Variants in GPIHBP1 observed in about 807,000 individuals in gnomAD.
The protein encoded by GPIHBP1 is glycosylphosphatidylinositol anchored high density lipoprotein binding protein 1.
Under a neutral mutation model 13.0 loss-of-function variants are expected in GPIHBP1, and 11 were observed. That is an observed-to-expected ratio of 0.84 (90% CI 0.53 to 1.40). The LOEUF is 1.40. Among genes scored for constraint, GPIHBP1 ranks in the 40% most tolerant of loss-of-function variants. GPIHBP1 has a pLI of 0.00. For synonymous variants in GPIHBP1, 106 were observed against 102.2 expected, an observed-to-expected ratio of 1.04 and a Z score of -0.22; for missense variants, 231 against 241.1, an observed-to-expected ratio of 0.96 and a Z score of 0.28.
At chr8:143,213,443 C>G in intron 1 of GPIHBP1, 124 bp downstream of exon 1, 3 of 847,710 alleles carry the variant, frequency 3.5e-6, no homozygotes, top group Non-Finnish European at 5.7e-6. Context: ...AGTCCCCAGC[C>G]CAGAGCAGCA....
In GPIHBP1 at chr8:143,214,900, G is replaced by GTATCATTAAAA; in HGVS notation, c.182-113_182-112insTATCATTAAAA. Reference sequence around the variant, plus strand: ...CCCGCCCATCTGAGCAGTGGGTGCTGGAGGCTCACCAGGCTAGGCTTTGGG... The same window carrying GTATCATTAAAA: ...CCCGCCCATCTGAGCAGTGGGTGCTGTATCATTAAAAGAGGCTCACCAGGCTAGGCTTTGGG... On this transcript the variant is annotated intron_variant, in intron 2 of 3. Transcript: ENST00000622500. This position sits in a 1 kb window ranked among gnomAD's most constrained non-coding sequence, Gnocchi z 4.1. 1 of 738,016 alleles carries GTATCATTAAAA rather than the reference G, an allele frequency of 1.4e-6. No individual in the cohort carries two copies. Among genetic ancestry groups the GTATCATTAAAA allele is most frequent in the Admixed American group, 2.1e-5 (1 of 47,086 alleles). 45.7% of individuals were successfully genotyped at this position (738,016 alleles called of 1,614,324 possible). A position where few individuals can be genotyped will look rare whatever the true frequency, so the allele number is the denominator to read the frequency against.
rs1179791699 is a variant in GPIHBP1 at position 143,214,503 on chromosome 8, C to T, written c.182-510C>T. 4.0e-5 allele frequency among the ~76,000 whole-genome samples: 6 copies of T among 150,934 alleles called. No homozygotes were observed. The highest frequency in any genetic ancestry group is 8.9e-5 in the Non-Finnish European group (6 of 67,688). ...GCCGCATCCAACCCGAGGGCCGGCC[C>T]CTCCCTAGCCAGGGACCACAGCGTG... On this transcript the variant is annotated intron_variant, in intron 2 of 3. Coordinates refer to ENST00000622500, the MANE Select transcript of GPIHBP1 (RefSeq NM_178172.6). The surrounding 1 kb of genome is among the most constrained non-coding windows in gnomAD (Gnocchi z 4.1).
rs1333121387 is a variant in GPIHBP1, at chr8:143,214,524, G to C, written c.182-489G>C. Among the ~76,000 whole-genome samples, 1 of 151,052 alleles carries C rather than the reference G, an allele frequency of 6.6e-6. No individual in the cohort carries two copies. Among genetic ancestry groups the C allele is most frequent in the Non-Finnish European group, 1.5e-5 (1 of 67,598 alleles). On this transcript the variant is annotated intron_variant, in intron 2 of 3. Transcript: ENST00000622500. This position sits in a 1 kb window ranked among gnomAD's most constrained non-coding sequence, Gnocchi z 4.1. ...GGCCCCTCCCTAGCCAGGGACCACA[G>C]CGTGCCCCACCACACACAGCCCCTC...
Position 143,215,136 on chromosome 8 carries a change from C to T in GPIHBP1, c.295+10C>T, listed in dbSNP as rs199622782. ...GCCCACGGGAACACCGGTAAGTGGG[C>T]GTGGGGCCGCAGCACATGCACCCCC... On this transcript the variant is annotated intron_variant, in intron 3 of 3. Transcript: ENST00000622500. The T allele has an allele frequency of 1.0e-4, 167 of 1,611,138 alleles. 1 individual carries two copies. The East Asian group carries it at 1.9e-3, about 18-fold the overall frequency.
rs544595683 is a variant in GPIHBP1 at position 143,214,661 on chromosome 8, G to C, written c.182-352G>C. On this transcript the variant is annotated intron_variant, in intron 2 of 3. Coordinates refer to ENST00000622500, the MANE Select transcript of GPIHBP1 (RefSeq NM_178172.6). This position sits in a 1 kb window ranked among gnomAD's most constrained non-coding sequence, Gnocchi z 4.1. ...CCCACACACCCACGAGGTGTCCCCT[G>C]TGAGGCCCTCCTCTGCCAGGCCTGG... Among the ~76,000 whole-genome samples, 1 of 152,184 alleles carries C rather than the reference G, an allele frequency of 6.6e-6. No individual in the cohort carries two copies. Among genetic ancestry groups the C allele is most frequent in the African/African-American group, 2.4e-5 (1 of 41,522 alleles).
rs374513270 is a variant in GPIHBP1 at position 143,213,777 on chromosome 8, C to T, written c.53-45C>T. ...GATGCTTGCCCAGAGCAGGTGTCCT[C>T]CATACCCGGGTAGCTGAGGCTTACA... is the stretch of plus-strand genomic sequence containing the variant. On this transcript the variant is annotated intron_variant, in intron 1 of 3. Coordinates refer to ENST00000622500, the MANE Select transcript of GPIHBP1 (RefSeq NM_178172.6). The T allele has an allele frequency of 4.4e-6, 7 of 1,574,046 alleles. No homozygotes were observed. In the African/African-American group the frequency reaches 6.8e-5, roughly 15 times the overall value.
In GPIHBP1 at chr8:143,215,254, C is replaced by T. The variant is rs1816286626; in HGVS notation, c.296-5C>T. The T allele has an allele frequency of 6.2e-7, 1 of 1,613,050 alleles. No homozygotes were observed. The highest frequency in any genetic ancestry group is 8.5e-7 in the Non-Finnish European group (1 of 1,179,984). On this transcript the variant is annotated splice_polypyrimidine_tract_variant and splice_region_variant and intron_variant, in intron 3 of 3. Coordinates refer to ENST00000622500, the MANE Select transcript of GPIHBP1 (RefSeq NM_178172.6). ...TCAGCACTTGTTCCCCACTCCCCTT[C>T]CCAGAGTCAGGCCTCCTGACCACCC...
Position 143,216,711 on chromosome 8 carries a change from AG to A in GPIHBP1, c.*1194del, listed in dbSNP as rs537013710. The A allele has an allele frequency of 7.4e-3, 1,122 of 152,348 alleles. 14 individuals are homozygous for A. The highest frequency in any genetic ancestry group is 0.015 in the Admixed American group (223 of 15,298). The allele number at this position is 152,348 out of a possible 1,614,324, so 9.4% of individuals were successfully genotyped here. Reference sequence around the variant, plus strand: ...GCTCTGGGACAGCAGGCAGAGGCCGAGCCTGGGCCACAGCTCAGCCACTGAC... The same window carrying A: ...GCTCTGGGACAGCAGGCAGAGGCCGACCTGGGCCACAGCTCAGCCACTGAC... On this transcript the variant is annotated 3_prime_UTR_variant, in exon 4 of 4. Coordinates refer to ENST00000622500, the MANE Select transcript of GPIHBP1 (RefSeq NM_178172.6).
At position 143,214,870 on chromosome 8, in the gene GPIHBP1, G is replaced by A; in HGVS notation, c.182-143G>A. On this transcript the variant is annotated intron_variant, in intron 2 of 3. Coordinates refer to ENST00000622500, the MANE Select transcript of GPIHBP1 (RefSeq NM_178172.6). This position sits in a 1 kb window ranked among gnomAD's most constrained non-coding sequence, Gnocchi z 4.1. ...GCACAGCTTACAGGACCAAGTCAGG[G>A]GTCGCCCGCCCATCTGAGCAGTGGG... The A allele has an allele frequency of 1.6e-6, 1 of 640,558 alleles. No individual in the cohort carries two copies. The highest frequency in any genetic ancestry group is 2.8e-6 in the Non-Finnish European group (1 of 357,420). 39.7% of individuals were successfully genotyped at this position (640,558 alleles called of 1,614,324 possible). A position where few individuals can be genotyped will look rare whatever the true frequency, so the allele number is the denominator to read the frequency against.
At position 143,213,317 on chromosome 8, in the gene GPIHBP1, C is replaced by T; in HGVS notation, c.50C>T (p.Pro17Leu). Residue 17 changes from proline (P) to leucine (L), a missense_variant and splice_region_variant, in exon 1 of 4, where the codon CCA becomes CTA. Pro to Leu is a moderately conservative substitution (Grantham distance 98). Coordinates refer to ENST00000622500, the MANE Select transcript of GPIHBP1 (RefSeq NM_178172.6). Reference protein sequence around the residue: ...VLLALLLFGRPGRGQTQQEEE... With the variant: ...VLLALLLFGRLGRGQTQQEEE... ...CTTGCCCTCTTGCTGTTCGGGCGGC[C>T]AGGTGCGGGGCAAAGGGTAACCCTG... The T allele has an allele frequency of 6.3e-7, 1 of 1,594,570 alleles. No homozygotes were observed. Among genetic ancestry groups the T allele is most frequent in the Non-Finnish European group, 8.5e-7 (1 of 1,175,698 alleles).
rs1415212699 is a variant in GPIHBP1, at chr8:143,213,225, T to C, written c.-43T>C. 1.3e-6 allele frequency: 2 copies of C among 1,564,594 alleles called. No homozygotes were observed. Among genetic ancestry groups the C allele is most frequent in the Non-Finnish European group, 1.7e-6 (2 of 1,155,500 alleles). The stretch of plus-strand genomic sequence containing the variant: ...CCCACTTACCGCAGCTCCAGAGCCC[T>C]GCGGGAGGACTCAGAGTCAGGGACA... On this transcript the variant is annotated 5_prime_UTR_variant, in exon 1 of 4. Coordinates refer to ENST00000622500, the MANE Select transcript of GPIHBP1 (RefSeq NM_178172.6).
At position 143,214,867 on chromosome 8, in the gene GPIHBP1, AG is replaced by A; in HGVS notation, c.182-142del. On this transcript the variant is annotated intron_variant, in intron 2 of 3. Coordinates refer to ENST00000622500, the MANE Select transcript of GPIHBP1 (RefSeq NM_178172.6). This position sits in a 1 kb window ranked among gnomAD's most constrained non-coding sequence, Gnocchi z 4.1. ...ACAGCACAGCTTACAGGACCAAGTC[AG>A]GGGTCGCCCGCCCATCTGAGCAGTG... 9 of 638,108 alleles carry A rather than the reference AG, an allele frequency of 1.4e-5. No individual in the cohort carries two copies. The highest frequency in any genetic ancestry group is 7.2e-5 in the Admixed American group (3 of 41,620). 39.5% of individuals were successfully genotyped at this position (638,108 alleles called of 1,614,324 possible). A position where few individuals can be genotyped will look rare whatever the true frequency, so the allele number is the denominator to read the frequency against.
rs144101200 is a variant in GPIHBP1 at position 143,216,353 on chromosome 8, A to ATTAC, written c.*835_*836insTTAC. The ATTAC allele has an allele frequency of 6.6e-6, 1 of 152,166 alleles. No homozygotes were observed. The highest frequency in any genetic ancestry group is 2.4e-5 in the African/African-American group (1 of 41,368). 9.4% of individuals were successfully genotyped at this position (152,166 alleles called of 1,614,324 possible). A position where few individuals can be genotyped will look rare whatever the true frequency, so the allele number is the denominator to read the frequency against. ...CCTGTCTCTGCTCTAGCAGAGGCTA[A>ATTAC]AGCAGGCTAGAGCAGTGGAGGGGTG... is the stretch of plus-strand genomic sequence containing the variant. On this transcript the variant is annotated 3_prime_UTR_variant, in exon 4 of 4. Coordinates refer to ENST00000622500, the MANE Select transcript of GPIHBP1 (RefSeq NM_178172.6).
In GPIHBP1 at chr8:143,215,644, C is replaced by CCAGCG; in HGVS notation, c.*130_*134dup. ...ATTTGGAGTGTCTTGGGCGATCCAG[C>CCAGCG]CAGCGCAGGCCCCCCGGCCCGGTTG... On this transcript the variant is annotated 3_prime_UTR_variant, in exon 4 of 4. Coordinates refer to ENST00000622500, the MANE Select transcript of GPIHBP1 (RefSeq NM_178172.6). The CCAGCG allele has an allele frequency of 1.2e-6, 1 of 801,980 alleles. No homozygotes were observed. Among genetic ancestry groups the CCAGCG allele is most frequent in the East Asian group, 2.7e-5 (1 of 37,228 alleles). 49.7% of individuals were successfully genotyped at this position (801,980 alleles called of 1,614,324 possible).
At position 143,215,946 on chromosome 8, in the gene GPIHBP1, G is replaced by A. The variant is rs372140724; in HGVS notation, c.*428G>A. The A allele has an allele frequency of 5.0e-5, 10 of 200,822 alleles. No homozygotes were observed. The highest frequency in any genetic ancestry group is 1.2e-4 in the African/African-American group (5 of 43,156). The allele number at this position is 200,822 out of a possible 1,614,324, so 12.4% of individuals were successfully genotyped here. On this transcript the variant is annotated 3_prime_UTR_variant, in exon 4 of 4. Coordinates refer to ENST00000622500, the MANE Select transcript of GPIHBP1 (RefSeq NM_178172.6). ...GGCCCACCCTGCCCTTCCCCAGGTC[G>A]GCCTCTCCGCTGTCTGGAGGGAAGG...
Position 143,215,529 on chromosome 8 carries a change from C to CCGG in GPIHBP1, c.*11_*12insCGG. On this transcript the variant is annotated 3_prime_UTR_variant, in exon 4 of 4. Transcript: ENST00000622500. ...GCCAGGAGACCCTGACCCACGGCCC[C>CCGG]TCCCCACCCCCACCCGGCTCACCCC... 6.4e-7 allele frequency: 1 copy of CCGG among 1,557,730 alleles called. No homozygotes were observed. Among genetic ancestry groups the CCGG allele is most frequent in the Non-Finnish European group, 8.7e-7 (1 of 1,153,194 alleles).
rs1816287234 is a variant in GPIHBP1 at position 143,215,284 on chromosome 8, C to T, written c.321C>T (p.Ser107=). Reference sequence around the variant, plus strand: ...AGTCAGGCCTCCTGACCACCCACTCCACGTGGTGCACAGACAGCTGCCAGC... The same window carrying T: ...AGTCAGGCCTCCTGACCACCCACTCTACGTGGTGCACAGACAGCTGCCAGC... ...NTESGLLTTH[S]TWCTDSCQPI... The change falls in exon 4 of 4, where the codon TCC becomes TCT. Residue 107 remains serine (S), a synonymous_variant. Transcript: ENST00000622500. The T allele has an allele frequency of 6.2e-7, 1 of 1,612,878 alleles. No individual in the cohort carries two copies. The highest frequency in any genetic ancestry group is 1.1e-5 in the South Asian group (1 of 91,094).
intron 1 of GPIHBP1, 130 bp downstream of exon 1, chr8:143,213,449 C>A: frequency 3.8e-6 from 3 of 797,418 alleles, no homozygotes; most frequent in Non-Finnish European, 6.1e-6. Context: ...CAGCCCAGAG[C>A]AGCATGGATG....
rs1816268911 is a variant in GPIHBP1 at position 143,214,458 on chromosome 8, C to T, written c.181+508C>T. ...GGCCACCCTCTGCTCTCTCCCATCC[C>T]GAGAAAAGCAGAGCAAATCGCCGCA... On this transcript the variant is annotated intron_variant, in intron 2 of 3. Coordinates refer to ENST00000622500, the MANE Select transcript of GPIHBP1 (RefSeq NM_178172.6). The surrounding 1 kb of genome is among the most constrained non-coding windows in gnomAD (Gnocchi z 4.1). Among the ~76,000 whole-genome samples the T allele has an allele frequency of 6.6e-6, 1 of 152,072 alleles. No homozygotes were observed. The highest frequency in any genetic ancestry group is 6.5e-5 in the Admixed American group (1 of 15,270).
Sources: allele counts gnomAD v4.1 joint callset (sites outside exome capture counted in the v4.1 genomes callset), GRCh38; gene constraint gnomAD v4.1.1; non-coding constraint Gnocchi (gnomAD v3.1); transcripts MANE v1.5; gene names NCBI Gene and HGNC (gene_info 2026-07-23, HGNC 2026-07-21).